Variants in NDST3 observed in about 807,000 individuals in gnomAD.
The protein encoded by NDST3 is bifunctional heparan sulfate N-deacetylase/N-sulfotransferase 3.
In NDST3, 58 loss-of-function variants were observed where a neutral mutation model predicts 96.1. The ratio of observed to expected loss-of-function variants is 0.60; its 90% CI spans 0.49 to 0.75. The LOEUF (loss-of-function observed/expected upper bound fraction) is 0.75. NDST3 is among the 30% of genes least tolerant of loss of function. The pLI is 0.00. For synonymous variants in NDST3, 333 were observed against 359.7 expected, an observed-to-expected ratio of 0.93 and a Z score of 0.84; for missense variants, 788 against 1,034.2, an observed-to-expected ratio of 0.76 and a Z score of 3.27.
intron 6 of NDST3, among the ~76,000 whole-genome samples, chr4:118,177,654 T>C (rs1011353469): frequency 7.2e-5 from 11 of 151,992 alleles, no homozygotes; most frequent in African/African-American, 2.7e-4. Flanking sequence ...GCCTTTTGAC[T>C]TATCATTTAA....
chr4:118,241,557 A>G (rs17049698), intron 11 of NDST3, among the ~76,000 whole-genome samples: 5,948 of 152,336 alleles, frequency 0.039, 178 homozygotes, highest in African/African-American at 0.085. Flanking sequence ...TTTCCTGAGA[A>G]TCTAACCTTA....
chr4:118,190,702 T>C (rs1737251121), intron 6 of NDST3, among the ~76,000 whole-genome samples: 1 of 152,140 alleles, frequency 6.6e-6, no homozygotes, highest in Non-Finnish European at 1.5e-5. Context: ...GAAAGGGCCA[T>C]ATTGGGTTTG....
chr4:118,124,987 C>T (rs978835230), intron 4 of NDST3, among the ~76,000 whole-genome samples: 2 of 151,972 alleles, frequency 1.3e-5, no homozygotes, highest in African/African-American at 4.8e-5. Flanking sequence ...ACCTCAAGTT[C>T]CAGATTTTTT....
Position 118,054,702 on chromosome 4 carries a change from T to A in NDST3, c.792T>A (p.His264Gln). The change falls in exon 2 of 14, where the codon CAT becomes CAA. Residue 264 changes from histidine (H) to glutamine (Q), a missense_variant. Physicochemically the swap from His to Gln is conservative, Grantham distance 24. Transcript: ENST00000296499. Reference sequence around the variant, plus strand: ...CTATTATACATGACCTGGGGCTTCATGATGGAATTCAAAGGGTTCTTTTTG... The same window carrying A: ...CTATTATACATGACCTGGGGCTTCAAGATGGAATTCAAAGGGTTCTTTTTG... ...YATIIHDLGL[H>Q]DGIQRVLFGN... 6.2e-7 allele frequency: 1 copy of A among 1,613,456 alleles called. No homozygotes were observed. Among genetic ancestry groups the A allele is most frequent in the African/African-American group, 1.3e-5 (1 of 74,998 alleles).
chr4:118,201,750 T>C (rs763329709), intron 6 of NDST3, among the ~76,000 whole-genome samples: 19 of 152,230 alleles, frequency 1.2e-4, no homozygotes, highest in Middle Eastern at 3.4e-3. Flanking sequence ...GTTTGCTTTG[T>C]TCATAGTTTC....
intron 6 of NDST3, among the ~76,000 whole-genome samples, chr4:118,167,479 T>C (rs1735629014): frequency 6.6e-6 from 1 of 151,964 alleles, no homozygotes; most frequent in African/African-American, 2.4e-5. Context: ...AAAATGTCCA[T>C]ACTACTCAAA....
intron 6 of NDST3, among the ~76,000 whole-genome samples, chr4:118,183,554 ACTC>A (rs1471525400): frequency 1.3e-5 from 2 of 151,844 alleles, no homozygotes; most frequent in Non-Finnish European, 2.9e-5. Flanking sequence ...ATAACAAAGA[ACTC>A]CTATCATTTG....
chr4:118,124,971 ACC>A (rs1731923102), intron 4 of NDST3, among the ~76,000 whole-genome samples: 1 of 152,074 alleles, frequency 6.6e-6, no homozygotes, highest in Non-Finnish European at 1.5e-5. Context: ...AGAGAGACTC[ACC>A]TAAACCTCAA....
intron 6 of NDST3, among the ~76,000 whole-genome samples, chr4:118,168,305 C>A (rs1327748802): frequency 2.0e-5 from 3 of 151,768 alleles, no homozygotes; most frequent in African/African-American, 7.3e-5. Context: ...GACCAACAGG[C>A]ATATGAAAAG....
intron 4 of NDST3, among the ~76,000 whole-genome samples, chr4:118,130,412 CAACTT>C (rs1466281848): frequency 3.3e-5 from 5 of 152,084 alleles, no homozygotes; most frequent in Non-Finnish European, 7.4e-5. Context: ...AAACTGAAGA[CAACTT>C]AACACTGATT....
At chr4:118,045,471 T>A (rs538059830) in intron 1 of NDST3, among the ~76,000 whole-genome samples, 1 of 152,328 alleles carries the variant, frequency 6.6e-6, no homozygotes, top group South Asian at 2.1e-4. Flanking sequence ...AGCTACCCCA[T>A]AAATGTTTGA....
intron 8 of NDST3, 32 bp from the exon 9 acceptor site, chr4:118,232,980 A>G (rs1277827520): frequency 1.3e-6 from 2 of 1,591,372 alleles, no homozygotes; most frequent in East Asian, 2.2e-5. Context: ...GTTTTCATTT[A>G]ATTAATTTCT....
intron 4 of NDST3, among the ~76,000 whole-genome samples, chr4:118,137,075 TG>T (rs995514477): frequency 6.6e-6 from 1 of 152,222 alleles, no homozygotes; most frequent in African/African-American, 2.4e-5. Flanking sequence ...CCATATCAGT[TG>T]GCTGCATATT....
chr4:118,134,366 C>G (rs752093823), intron 4 of NDST3, among the ~76,000 whole-genome samples: 1 of 152,156 alleles, frequency 6.6e-6, no homozygotes, highest in Non-Finnish European at 1.5e-5. Context: ...TTTGAGTAGA[C>G]AGTCACATAA....
rs570926462 is a variant in NDST3, at chr4:118,173,369, T to C, written c.1539+29685T>C. 4.7e-4 allele frequency among the ~76,000 whole-genome samples: 72 copies of C among 152,222 alleles called. 1 individual carries two copies. Among genetic ancestry groups the C allele is most frequent in the Non-Finnish European group, 9.0e-4 (61 of 68,000 alleles). ...ATAGACTACCCCTGGCCCATGCTCA[T>C]AGCCTTAGATAGCCTCATTTTTAAA... On this transcript the variant is annotated intron_variant, in intron 6 of 13. Transcript: ENST00000296499.
At position 118,066,439 on chromosome 4, in the gene NDST3, C is replaced by CATGTTATATATTATATATACATTAT. The variant is rs1726490271; in HGVS notation, c.981+11550_981+11551insGTTATATATTATATATACATTATAT. 1.6e-3 allele frequency among the ~76,000 whole-genome samples: 2 copies of CATGTTATATATTATATATACATTAT among 1,272 alleles called. 1 individual carries two copies. Among genetic ancestry groups the CATGTTATATATTATATATACATTAT allele is most frequent in the Admixed American group, 0.11 (2 of 18 alleles). The allele number at this position is 1,272 out of a possible 152,430, so 0.8% of individuals were successfully genotyped here. On this transcript the variant is annotated intron_variant, in intron 2 of 13. Coordinates refer to ENST00000296499, the MANE Select transcript of NDST3 (RefSeq NM_004784.3). The stretch of plus-strand genomic sequence containing the variant: ...ATGTTATATATTATATATCATATAT[C>CATGTTATATATTATATATACATTAT]ATATGTTATATATTATATATACATT...
At chr4:118,063,480 G>T (rs2892786) in intron 2 of NDST3, among the ~76,000 whole-genome samples, 114,482 of 152,110 alleles carry the variant, frequency 0.75, 45,746 homozygotes, top group South Asian at 0.92. Flanking sequence ...AAAATTGTAC[G>T]ATTTGCCAGT....
At chr4:118,208,598 C>T (rs1284588582) in intron 6 of NDST3, among the ~76,000 whole-genome samples, 1 of 143,590 alleles carries the variant, frequency 7.0e-6, no homozygotes, top group African/African-American at 2.6e-5. Context: ...CCAGTCAAGC[C>T]CTAGTATATT....
intron 1 of NDST3, among the ~76,000 whole-genome samples, chr4:118,035,493 G>C (rs926841891): frequency 8.9e-5 from 13 of 145,852 alleles, no homozygotes; most frequent in Admixed American, 8.2e-4. Flanking sequence ...GAGCAATGCT[G>C]TTCACCACCA....
Sources: gnomAD v4.1 joint callset for allele counts (sites outside exome capture counted in the v4.1 genomes callset) on GRCh38, gnomAD v4.1.1 for gene constraint, MANE v1.5 for transcripts, NCBI Gene and HGNC (gene_info 2026-07-23, HGNC 2026-07-21) for gene names.